The following ANOS1 variants were observed in gnomAD, a reference collection of about 807,000 sequenced individuals.
ANOS1 encodes the protein anosmin-1.
In ANOS1, 6 loss-of-function variants were observed where a neutral mutation model predicts 59.0. That is an observed-to-expected ratio of 0.10 (90% confidence interval 0.06 to 0.20). ANOS1 has a LOEUF of 0.20. Among genes scored for constraint, ANOS1 ranks in the 10% least tolerant of loss-of-function variants. The pLI is 1.00. For synonymous variants in ANOS1, 217 were observed against 223.4 expected (o/e 0.97, Z 0.25); for missense variants, 433 against 542.3 (o/e 0.80, Z 2.00).
intron 2 of ANOS1, among the ~76,000 whole-genome samples, chrX:8,666,111 G>A (rs1488624581): frequency 1.8e-5 from 2 of 111,229 alleles, no homozygotes; most frequent in Non-Finnish European, 3.8e-5. Context: ...CAGGAGGATC[G>A]CTTGAGGCCA....
chrX:8,659,088 G>A (rs897712467), intron 2 of ANOS1, among the ~76,000 whole-genome samples: 1 of 111,004 alleles, frequency 9.0e-6, no homozygotes, highest in Non-Finnish European at 1.9e-5. Context: ...TTATCCGGGT[G>A]TGGTGGTGTG....
intron 1 of ANOS1, among the ~76,000 whole-genome samples, chrX:8,716,746 G>A (rs1486918236): frequency 4.5e-5 from 5 of 111,646 alleles, no homozygotes; most frequent in East Asian, 2.8e-4. Context: ...CAACACCAGC[G>A]CCTAGCAAAG....
chrX:8,542,195 C>T (rs1226018801), intron 9 of ANOS1, among the ~76,000 whole-genome samples: 1 of 111,011 alleles, frequency 9.0e-6, no homozygotes, highest in Non-Finnish European at 1.9e-5. Context: ...TCTACTTTCA[C>T]CTGAGCTAGT....
At chrX:8,537,699 C>G (rs1485380632) in intron 10 of ANOS1, among the ~76,000 whole-genome samples, 3 of 110,239 alleles carry the variant, frequency 2.7e-5, no homozygotes, top group Non-Finnish European at 5.7e-5. Flanking sequence ...CGCTTGAACT[C>G]AGGAGTTTGT....
intron 3 of ANOS1, among the ~76,000 whole-genome samples, chrX:8,607,087 G>A (rs4830595): frequency 0.38 from 42,549 of 111,017 alleles, 5,812 homozygotes; most frequent in South Asian, 0.44. Flanking sequence ...ATTGCACTCC[G>A]GCCTGGGCAA....
chrX:8,690,292 G>A (rs981760880), intron 2 of ANOS1, among the ~76,000 whole-genome samples: 2 of 112,254 alleles, frequency 1.8e-5, no homozygotes, highest in African/African-American at 6.5e-5. Context: ...TGATTTGGCT[G>A]TGAAGTCATT....
chrX:8,568,105 T>C, intron 8 of ANOS1, 127 bp downstream of exon 8: 1 of 654,360 alleles, frequency 1.5e-6, no homozygotes, highest in Non-Finnish European at 2.4e-6. Context: ...GTCACATGCA[T>C]GTGGGTAAGA....
At chrX:8,563,373 C>T (rs1184015620) in intron 8 of ANOS1, among the ~76,000 whole-genome samples, 3 of 111,975 alleles carry the variant, frequency 2.7e-5, no homozygotes, top group African/African-American at 9.7e-5. Flanking sequence ...GGGAATCAAC[C>T]GGTCAAATAG....
chrX:8,560,491 C>A (rs1042432256), intron 8 of ANOS1, among the ~76,000 whole-genome samples: 2 of 112,046 alleles, frequency 1.8e-5, no homozygotes, highest in Non-Finnish European at 3.8e-5. Context: ...GTTGTACCCC[C>A]CAAACAGCCG....
intron 2 of ANOS1, among the ~76,000 whole-genome samples, chrX:8,649,454 G>A (rs1327537569): frequency 9.0e-6 from 1 of 111,419 alleles, no homozygotes; most frequent in Non-Finnish European, 1.9e-5. Context: ...ATTCACCAAT[G>A]AGCCATCTTA....
rs1172254660 is a variant in ANOS1, at chrX:8,532,967, G to A, written c.*28C>T. ...AAGTTCAACAAGCTTACACATCTGT[G>A]CAATTTCACAAAATCTTTTTGAACA... On this transcript the variant is annotated 3_prime_UTR_variant, in exon 14 of 14. Coordinates refer to ENST00000262648, the MANE Select transcript of ANOS1 (RefSeq NM_000216.4). 5 of 1,001,342 alleles carry A rather than the reference G, an allele frequency of 5.0e-6. No individual in the cohort carries two copies. The South Asian group carries it at 9.6e-5, about 19-fold the overall frequency. 82.5% of individuals were successfully genotyped at this position (1,001,342 alleles called of 1,213,427 possible). A position where few individuals can be genotyped will look rare whatever the true frequency, so the allele number is the denominator to read the frequency against.
intron 1 of ANOS1, among the ~76,000 whole-genome samples, chrX:8,724,915 G>C (rs2146913528): frequency 9.0e-6 from 1 of 111,477 alleles, no homozygotes; most frequent in African/African-American, 3.3e-5. Flanking sequence ...AATGTAAAGA[G>C]GAAAAACTAG....
intron 4 of ANOS1, among the ~76,000 whole-genome samples, chrX:8,588,353 T>A (rs1601966670): frequency 9.0e-6 from 1 of 111,609 alleles, no homozygotes; most frequent in Non-Finnish European, 1.9e-5. Flanking sequence ...CACTAGGAGA[T>A]CATTATAAAG....
At chrX:8,620,382 C>T (rs948602614) in intron 3 of ANOS1, among the ~76,000 whole-genome samples, 5 of 111,779 alleles carry the variant, frequency 4.5e-5, no homozygotes, top group Non-Finnish European at 9.4e-5. Flanking sequence ...ACATACCGGG[C>T]CGAACATGTC....
chrX:8,674,672 C>T (rs1303412017), intron 2 of ANOS1, among the ~76,000 whole-genome samples: 5 of 112,646 alleles, frequency 4.4e-5, no homozygotes, highest in South Asian at 3.7e-4. Context: ...TCAAAGCCGT[C>T]CTGGGCCTCA....
intron 9 of ANOS1, among the ~76,000 whole-genome samples, chrX:8,553,036 G>A (rs1024212408): frequency 1.8e-5 from 2 of 110,222 alleles, no homozygotes; most frequent in Non-Finnish European, 3.8e-5. Flanking sequence ...AATACCTTGA[G>A]TAAAAGTGAA....
At chrX:8,554,161 T>C (rs899892017) in intron 8 of ANOS1, 63 bp from the exon 9 acceptor site, 28 of 937,074 alleles carry the variant, frequency 3.0e-5, no homozygotes, top group Non-Finnish European at 4.0e-5. Context: ...CTGGGCAAGA[T>C]GGCCAAATAG....
At chrX:8,612,677 T>C (rs1931083005) in intron 3 of ANOS1, among the ~76,000 whole-genome samples, 1 of 108,635 alleles carries the variant, frequency 9.2e-6, no homozygotes, top group Non-Finnish European at 1.9e-5. Context: ...ACTACAAACC[T>C]AACAGACATC....
intron 3 of ANOS1, among the ~76,000 whole-genome samples, chrX:8,622,299 C>A (rs940342514): frequency 8.9e-6 from 1 of 112,016 alleles, no homozygotes. Flanking sequence ...TACTATCTGC[C>A]TTGCTTAACT....
Sources: gnomAD v4.1 joint callset for allele counts (sites outside exome capture counted in the v4.1 genomes callset) on GRCh38, gnomAD v4.1.1 for gene constraint, MANE v1.5 for transcripts, NCBI Gene and HGNC (gene_info 2026-07-23, HGNC 2026-07-21) for gene names.